Variants in THSD4 observed in about 807,000 individuals in gnomAD.
The protein encoded by THSD4 is thrombospondin type-1 domain-containing protein 4.
In THSD4, 69 loss-of-function variants were observed where a neutral mutation model predicts 119.0. That is an observed-to-expected ratio of 0.58 (90% CI 0.48 to 0.71). The LOEUF (loss-of-function observed/expected upper bound fraction) is 0.71, where lower values mean the gene tolerates loss of function less well. THSD4 is among the 30% of genes least tolerant of loss of function. THSD4 has a pLI of 0.00. For missense variants in THSD4, 1,393 were observed against 1,391.1 expected, an observed-to-expected ratio of 1.00 and a Z score of -0.02; for synonymous variants, 524 against 540.4, an observed-to-expected ratio of 0.97 and a Z score of 0.42.
chr15:71,358,205 C>T (rs555303820), intron 6 of THSD4, among the ~76,000 whole-genome samples: 11 of 152,328 alleles, frequency 7.2e-5, no homozygotes, highest in Middle Eastern at 3.4e-3. Context: ...CCCCAGGGTA[C>T]GGCATCGGCC....
At chr15:71,235,890 G>A (rs962265741) in intron 4 of THSD4, among the ~76,000 whole-genome samples, 1 of 152,134 alleles carries the variant, frequency 6.6e-6, no homozygotes, top group Non-Finnish European at 1.5e-5. Context: ...CATGCTGGCT[G>A]GAATGCCACC....
At chr15:71,500,255 A>C (rs911549846) in intron 7 of THSD4, among the ~76,000 whole-genome samples, 3 of 152,016 alleles carry the variant, frequency 2.0e-5, no homozygotes, top group African/African-American at 7.2e-5. Context: ...CTTTTCATGC[A>C]CCTATTGGCC....
In THSD4 at chr15:71,765,083, G is replaced by C; in HGVS notation, c.2653G>C (p.Asp885His). ...GGTGATTTGTGTTAGAAAGAATGCA[G>C]ACACCTTTGAAGTGTTGGACCCCTC... ...REVICVRKNA[D>H]TFEVLDPSEC... Residue 885 changes from aspartate to histidine, a missense_variant, in exon 16 of 18, where the codon GAC becomes CAC. Physicochemically the swap from Asp to His is moderately conservative, Grantham distance 81 (BLOSUM62 -1). Transcript: ENST00000261862. The C allele has an allele frequency of 6.2e-7, 1 of 1,614,238 alleles. No homozygotes were observed.
intron 6 of THSD4, among the ~76,000 whole-genome samples, chr15:71,343,196 TA>T (rs2045605496): frequency 6.6e-6 from 1 of 152,190 alleles, no homozygotes; most frequent in Admixed American, 6.5e-5. Flanking sequence ...CCAGCCTGCA[TA>T]ATATAGCGAG....
At chr15:71,482,444 C>T (rs964936631) in intron 7 of THSD4, among the ~76,000 whole-genome samples, 3 of 151,990 alleles carry the variant, frequency 2.0e-5, no homozygotes, top group African/African-American at 4.8e-5. Context: ...GCACCTGCCA[C>T]CACACCCAGC....
At chr15:71,111,537 T>C, upstream of THSD4, 1 of 740,670 alleles carries the variant, frequency 1.4e-6, no homozygotes, top group Non-Finnish European at 2.2e-6. Context: ...ACTCTCAAAG[T>C]GTTTTGTTTT....
chr15:71,642,802 G>T (rs1190372368), intron 7 of THSD4, among the ~76,000 whole-genome samples: 1 of 151,928 alleles, frequency 6.6e-6, no homozygotes, highest in Non-Finnish European at 1.5e-5. Flanking sequence ...GACTGTTGTG[G>T]GGTGGGGGGA....
intron 3 of THSD4, among the ~76,000 whole-genome samples, chr15:71,193,851 C>T (rs931283763): frequency 2.0e-5 from 3 of 152,146 alleles, no homozygotes; most frequent in East Asian, 1.9e-4. Context: ...CCTGGGACTA[C>T]AGGCGCCCGC....
chr15:71,148,399 C>G (rs1342330386), intron 2 of THSD4, among the ~76,000 whole-genome samples: 1 of 152,248 alleles, frequency 6.6e-6, no homozygotes, highest in Non-Finnish European at 1.5e-5. Flanking sequence ...CGAAGACCTC[C>G]ACCTTGGGCT....
chr15:71,160,859 T>C (rs1388793720), intron 3 of THSD4, among the ~76,000 whole-genome samples: 3 of 151,970 alleles, frequency 2.0e-5, no homozygotes. Context: ...TAGTTTGTTC[T>C]TGAGGTTCAT....
At chr15:71,616,903 C>G (rs916677479) in intron 7 of THSD4, among the ~76,000 whole-genome samples, 13 of 152,248 alleles carry the variant, frequency 8.5e-5, no homozygotes, top group African/African-American at 3.1e-4. Context: ...CAAATCTCCT[C>G]GAAAGCTTCA....
chr15:71,561,520 G>A (rs2049116735), intron 7 of THSD4, among the ~76,000 whole-genome samples: 1 of 152,000 alleles, frequency 6.6e-6, no homozygotes, highest in Non-Finnish European at 1.5e-5. Flanking sequence ...AGAATGAGAG[G>A]GAATTAATAT....
In THSD4 at chr15:71,591,023, A is replaced by G. The variant is rs1472078566; in HGVS notation, c.1153-69507A>G. Among the ~76,000 whole-genome samples, 10 of 150,576 alleles carry G rather than the reference A, an allele frequency of 6.6e-5. No homozygotes were observed. The East Asian group carries it at 1.9e-3, about 29-fold the overall frequency. On this transcript the variant is annotated intron_variant, in intron 7 of 17. Coordinates refer to ENST00000261862, the MANE Select transcript of THSD4 (RefSeq NM_024817.3). ...TCCATCTCAAAAAAAAAAAAAAAAA[A>G]AAAAAAAAAAAAAAGTTGAAGAAAA...
chr15:71,183,231 G>C (rs776792247), intron 3 of THSD4: 1 of 151,740 alleles, frequency 6.6e-6, no homozygotes, highest in Non-Finnish European at 1.5e-5. Context: ...AAAACCATCG[G>C]ATCTTGTGAG....
At chr15:71,331,309 C>T (rs1274150486) in intron 6 of THSD4, among the ~76,000 whole-genome samples, 2 of 152,280 alleles carry the variant, frequency 1.3e-5, no homozygotes, top group Middle Eastern at 3.4e-3. Context: ...GATGTGGATA[C>T]ATGAATGCCT....
At chr15:71,362,754 A>G (rs12441628) in intron 6 of THSD4, among the ~76,000 whole-genome samples, 28,831 of 151,942 alleles carry the variant, frequency 0.19, 3,037 homozygotes, top group Admixed American at 0.26. Context: ...CGCACGCAGC[A>G]CTCCCACCCT....
rs542679767 is a variant in THSD4 at position 71,380,541 on chromosome 15, G to A, written c.1016-31146G>A. On this transcript the variant is annotated intron_variant, in intron 6 of 17. Coordinates refer to ENST00000261862, the MANE Select transcript of THSD4 (RefSeq NM_024817.3). ...CACTATCAAGAGAATAGTATCAAAA[G>A]ACCAAAGTACACTCCTTAACAAGAG... 4.1e-4 allele frequency among the ~76,000 whole-genome samples: 62 copies of A among 152,168 alleles called. 1 individual carries two copies. In the South Asian group the frequency reaches 7.5e-3, roughly 18 times the overall value.
intron 3 of THSD4, among the ~76,000 whole-genome samples, chr15:71,198,618 A>T (rs563559484): frequency 6.6e-6 from 1 of 152,198 alleles, no homozygotes; most frequent in African/African-American, 2.4e-5. Context: ...AGAGGGTGTT[A>T]TGGGTCAGAA....
intron 7 of THSD4, among the ~76,000 whole-genome samples, chr15:71,520,632 T>A (rs1342175423): frequency 6.6e-6 from 1 of 152,250 alleles, no homozygotes; most frequent in Non-Finnish European, 1.5e-5. Context: ...CATCATTCAT[T>A]AAGCACTTAC....
Sources: allele counts gnomAD v4.1 joint callset (sites outside exome capture counted in the v4.1 genomes callset), GRCh38; gene constraint gnomAD v4.1.1; transcripts MANE v1.5; gene names NCBI Gene and HGNC (gene_info 2026-07-23, HGNC 2026-07-21).